LURAP1L: variants seen among roughly 807,000 people sequenced by gnomAD.
LURAP1L encodes leucine rich adaptor protein 1 like, also known as leucine rich adaptor protein 1-like.
A neutral mutation model predicts 13.8 loss-of-function variants in LURAP1L; 12 were observed. The observed-to-expected ratio is 0.87, with a 90% CI of 0.56 to 1.41. The LOEUF (loss-of-function observed/expected upper bound fraction) is 1.41. Ranked by LOEUF, LURAP1L falls within the 40% of genes most tolerant of loss-of-function variation. LURAP1L has a pLI of 0.00. For missense variants in LURAP1L, 375 were observed against 292.9 expected (o/e 1.28, Z -2.04); for synonymous variants, 139 against 119.2 (o/e 1.17, Z -1.08).
intron 1 of LURAP1L, chr9:12,777,631 T>G (rs1196751048): frequency 1.3e-5 from 12 of 940,314 alleles, no homozygotes; most frequent in Non-Finnish European, 1.5e-5. Context: ...ACTGTCATTT[T>G]GCTGGACACT....
intron 1 of LURAP1L, among the ~76,000 whole-genome samples, chr9:12,798,168 G>GA (rs368920047): frequency 6.6e-6 from 1 of 152,064 alleles, no homozygotes; most frequent in African/African-American, 2.4e-5. Context: ...GTAATATTAG[G>GA]ATAGGGCAGC....
At chr9:12,800,680 T>C (rs1055114684) in intron 1 of LURAP1L, among the ~76,000 whole-genome samples, 1 of 152,224 alleles carries the variant, frequency 6.6e-6, no homozygotes, top group African/African-American at 2.4e-5. Flanking sequence ...ATAATGTCTG[T>C]ATGATAGTAT....
At chr9:12,777,425 A>G (rs1445599725) in intron 1 of LURAP1L, 10 of 985,248 alleles carry the variant, frequency 1.0e-5, no homozygotes, top group Non-Finnish European at 1.1e-5. Flanking sequence ...AGGAATTAAG[A>G]ATGTTGCTAA....
intron 1 of LURAP1L, among the ~76,000 whole-genome samples, chr9:12,818,130 TAAAAAA>T (rs35502818): frequency 1.7e-5 from 2 of 119,002 alleles, no homozygotes; most frequent in Admixed American, 9.0e-5. Context: ...TTGCTTCCAC[TAAAAAA>T]AAAAAAAAAA....
At chr9:12,794,487 T>A (rs1819486594) in intron 1 of LURAP1L, among the ~76,000 whole-genome samples, 2 of 152,032 alleles carry the variant, frequency 1.3e-5, no homozygotes, top group Admixed American at 6.6e-5. Flanking sequence ...GTGCATTAAC[T>A]CTTCTGAGAA....
intron 1 of LURAP1L, among the ~76,000 whole-genome samples, chr9:12,782,094 A>ATC (rs1819280978): frequency 6.6e-6 from 1 of 152,114 alleles, no homozygotes; most frequent in Non-Finnish European, 1.5e-5. Context: ...TCTATTTTTT[A>ATC]ATCAGATTAT....
Position 12,803,382 on chromosome 9 carries a change from A to G in LURAP1L, c.313-18004A>G, listed in dbSNP as rs73403688. On this transcript the variant is annotated intron_variant, in intron 1 of 1. Coordinates refer to ENST00000319264, the MANE Select transcript of LURAP1L (RefSeq NM_203403.2). ...GAAGATTAGATACTTGTTATAGTAC[A>G]GGTTAAGTTACTGGTGGAACCAAGA... Among the ~76,000 whole-genome samples, 552 of 152,344 alleles carry G rather than the reference A, an allele frequency of 3.6e-3. 3 individuals are homozygous for G. Among genetic ancestry groups the G allele is most frequent in the African/African-American group, 0.013 (528 of 41,568 alleles).
chr9:12,816,833 G>A (rs2118549341), intron 1 of LURAP1L, among the ~76,000 whole-genome samples: 1 of 152,252 alleles, frequency 6.6e-6, no homozygotes, highest in South Asian at 2.1e-4. Flanking sequence ...AGTAGAGGAG[G>A]GGAAGTGAAG....
chr9:12,778,225 T>G (rs1326800), intron 1 of LURAP1L, among the ~76,000 whole-genome samples: 5 of 151,910 alleles, frequency 3.3e-5, no homozygotes, highest in Non-Finnish European at 7.4e-5. Flanking sequence ...TAAGACCCAA[T>G]AGGATGTAGG....
At chr9:12,797,558 T>C (rs1487354971) in intron 1 of LURAP1L, among the ~76,000 whole-genome samples, 2 of 152,186 alleles carry the variant, frequency 1.3e-5, no homozygotes, top group African/African-American at 2.4e-5. Context: ...ATTTTCATTA[T>C]TATCAGAAAA....
At chr9:12,794,194 T>C (rs908685800) in intron 1 of LURAP1L, among the ~76,000 whole-genome samples, 14 of 152,018 alleles carry the variant, frequency 9.2e-5, no homozygotes, top group African/African-American at 3.4e-4. Context: ...CAGCAGCCAA[T>C]ATAAACAGAG....
chr9:12,804,202 A>G (rs1819624505), intron 1 of LURAP1L, among the ~76,000 whole-genome samples: 1 of 152,134 alleles, frequency 6.6e-6, no homozygotes, highest in East Asian at 1.9e-4. Flanking sequence ...AGGGACACAT[A>G]TTTGATGGAA....
rs548849798 is a variant in LURAP1L, at chr9:12,777,939, T to C, written c.312+1912T>C. On this transcript the variant is annotated intron_variant, in intron 1 of 1. Transcript: ENST00000319264. ...TTTTATAGGTTGGTGGAAAAGTAAT[T>C]GCTGTTTTGCCATTGCTTTTAATGG... Among the ~76,000 whole-genome samples, 148 of 152,218 alleles carry C rather than the reference T, an allele frequency of 9.7e-4. 1 individual carries two copies. The highest frequency in any genetic ancestry group is 1.8e-3 in the Non-Finnish European group (123 of 68,042).
intron 1 of LURAP1L, among the ~76,000 whole-genome samples, chr9:12,815,095 T>C (rs6474733): frequency 0.16 from 24,566 of 151,946 alleles, 2,348 homozygotes; most frequent in East Asian, 0.32. Context: ...GATGATAATA[T>C]TTTTATGGAT....
At chr9:12,800,948 C>T (rs765352082) in intron 1 of LURAP1L, among the ~76,000 whole-genome samples, 94 of 152,124 alleles carry the variant, frequency 6.2e-4, no homozygotes, top group African/African-American at 1.9e-3. Flanking sequence ...GATAATGTGG[C>T]GAGTTTTTTA....
chr9:12,799,327 T>C (rs1026522455), intron 1 of LURAP1L, among the ~76,000 whole-genome samples: 4 of 152,202 alleles, frequency 2.6e-5, no homozygotes, highest in Admixed American at 1.3e-4. Context: ...TCATAACTTA[T>C]GCATTTATCG....
At chr9:12,794,945 T>G (rs991072427) in intron 1 of LURAP1L, among the ~76,000 whole-genome samples, 9 of 152,014 alleles carry the variant, frequency 5.9e-5, no homozygotes, top group African/African-American at 2.2e-4. Context: ...AGGTAAAGTA[T>G]GAGGTTGCTA....
chr9:12,775,603 G>A lies in LURAP1L; in HGVS notation c.-113G>A. On this transcript the variant is annotated 5_prime_UTR_variant, in exon 1 of 2. Transcript: ENST00000319264. ...AAGGACGGTACACCGGAGCGGCGGAGGATAGAGACCCTGGCCCCCGGAGAG... is the reference window on the plus strand; with the variant it reads ...AAGGACGGTACACCGGAGCGGCGGAAGATAGAGACCCTGGCCCCCGGAGAG... 1 of 1,449,030 alleles carries A rather than the reference G, an allele frequency of 6.9e-7. No individual in the cohort carries two copies. Among genetic ancestry groups the A allele is most frequent in the Non-Finnish European group, 9.1e-7 (1 of 1,099,970 alleles). The allele number at this position is 1,449,030 out of a possible 1,614,324, so 89.8% of individuals were successfully genotyped here.
intron 1 of LURAP1L, among the ~76,000 whole-genome samples, chr9:12,802,887 T>A (rs1819606296): frequency 6.6e-6 from 1 of 152,126 alleles, no homozygotes; most frequent in Non-Finnish European, 1.5e-5. Context: ...AAATGAACAT[T>A]TTCATCTCTG....
Sources: gnomAD v4.1 joint callset for allele counts (sites outside exome capture counted in the v4.1 genomes callset) on GRCh38, gnomAD v4.1.1 for gene constraint, MANE v1.5 for transcripts, NCBI Gene and HGNC (gene_info 2026-07-23, HGNC 2026-07-21) for gene names.